TRIM34: variants seen among roughly 807,000 people sequenced by gnomAD.
The protein encoded by TRIM34 is tripartite motif containing 34.
In TRIM34, 41 loss-of-function variants were observed where a neutral mutation model predicts 38.1. That is an observed-to-expected ratio of 1.08 (90% CI 0.84 to 1.40). The LOEUF (loss-of-function observed/expected upper bound fraction) is 1.40. Ranked by LOEUF, TRIM34 falls within the 40% of genes most tolerant of loss-of-function variation. The probability of loss-of-function intolerance (pLI) is 0.00; values close to 1 mark genes in which losing one functional copy is unlikely to be tolerated. For synonymous variants in TRIM34, 200 were observed against 202.5 expected (o/e 0.99, Z 0.10); for missense variants, 556 against 571.4 (o/e 0.97, Z 0.27).
At chr11:5,634,488 T>C (rs1468322405) in intron 3 of TRIM34, 143 bp from the exon 4 acceptor site, 3 of 418,790 alleles carry the variant, frequency 7.2e-6, no homozygotes, top group Non-Finnish European at 7.0e-6. Flanking sequence ...ACAGATAATA[T>C]AAATACACAC....
At chr11:5,636,131 CT>C (rs1256652704) in intron 4 of TRIM34, among the ~76,000 whole-genome samples, 2 of 152,164 alleles carry the variant, frequency 1.3e-5, no homozygotes, top group Non-Finnish European at 2.9e-5. Flanking sequence ...CTCGTATCTC[CT>C]TAAACTGATG....
chr11:5,629,695 G>C (rs1221378262), intron 1 of TRIM34, among the ~76,000 whole-genome samples: 2 of 152,106 alleles, frequency 1.3e-5, no homozygotes, highest in East Asian at 1.9e-4. Context: ...TGAGCTCTCC[G>C]TGAGGATTCT....
chr11:5,633,582 A>G (rs1482116358), intron 2 of TRIM34, among the ~76,000 whole-genome samples: 2 of 152,244 alleles, frequency 1.3e-5, no homozygotes, highest in Non-Finnish European at 2.9e-5. Flanking sequence ...GGAAAGACAG[A>G]ATCAGGCTAC....
rs553038289 is a variant in TRIM34 at position 5,627,630 on chromosome 11, A to T, written c.-78+2570A>T. On this transcript the variant is annotated intron_variant, in intron 1 of 7. Coordinates refer to ENST00000429814, the MANE Select transcript of TRIM34 (RefSeq NM_021616.6). ...GACCAGAACACTACAGCTCTTGGGG[A>T]GAGAGTCATTAATGTGGTATAGATT... Among the ~76,000 whole-genome samples the T allele has an allele frequency of 6.6e-5, 10 of 152,284 alleles. No homozygotes were observed. In the South Asian group the frequency reaches 1.2e-3, roughly 19 times the overall value.
intron 5 of TRIM34, 112 bp downstream of exon 5, chr11:5,641,301 T>G: frequency 6.4e-7 from 1 of 1,574,392 alleles, no homozygotes; most frequent in Non-Finnish European, 8.6e-7. Context: ...TAGTAAAATT[T>G]GGATGTATCG....
chr11:5,641,379 T>A, intron 5 of TRIM34, 190 bp downstream of exon 5: 1 of 1,372,966 alleles, frequency 7.3e-7, no homozygotes, highest in Non-Finnish European at 9.5e-7. Flanking sequence ...CTCGATCCTA[T>A]GTTAGTAAAT....
chr11:5,622,396 G>C (rs1306443375), upstream of TRIM34, among the ~76,000 whole-genome samples: 1 of 148,716 alleles, frequency 6.7e-6, no homozygotes, highest in African/African-American at 2.5e-5. Context: ...AGTGAGCCGA[G>C]ATCACGCCAC....
chr11:5,627,213 C>T (rs1426850418), intron 1 of TRIM34, among the ~76,000 whole-genome samples: 2 of 151,808 alleles, frequency 1.3e-5, no homozygotes, highest in African/African-American at 4.8e-5. Flanking sequence ...GAAACTCTCT[C>T]TACTAAAAAT....
upstream of TRIM34, among the ~76,000 whole-genome samples, chr11:5,622,648 C>T (rs1018113893): frequency 6.0e-5 from 9 of 151,170 alleles, no homozygotes; most frequent in East Asian, 1.6e-3. Flanking sequence ...TAAAAAAAAC[C>T]GGAAAAAACT....
At position 5,630,662 on chromosome 11, in the gene TRIM34, A is replaced by T. The variant is rs113135797; in HGVS notation, c.-77-1593A>T. On this transcript the variant is annotated intron_variant, in intron 1 of 7. Coordinates refer to ENST00000429814, the MANE Select transcript of TRIM34 (RefSeq NM_021616.6). The stretch of plus-strand genomic sequence containing the variant: ...CCTTTCTCATTATTCAGCTTTCATT[A>T]AACTCTTACTTATCCAAGCAAGATA... 6.2e-3 allele frequency among the ~76,000 whole-genome samples: 948 copies of T among 152,298 alleles called. 13 individuals are homozygous for T. Among genetic ancestry groups the T allele is most frequent in the African/African-American group, 0.022 (914 of 41,544 alleles).
chr11:5,624,429 C>T (rs6578667), upstream of TRIM34, among the ~76,000 whole-genome samples: 7,579 of 152,176 alleles, frequency 0.05, 551 homozygotes, highest in African/African-American at 0.17. Flanking sequence ...CCTCCATCTC[C>T]TAGCGGGTGA....
intron 1 of TRIM34, among the ~76,000 whole-genome samples, chr11:5,628,439 C>T (rs565252613): frequency 1.3e-5 from 2 of 152,202 alleles, no homozygotes; most frequent in Non-Finnish European, 2.9e-5. Context: ...CCAGGGGCTA[C>T]CAGTATATCT....
chr11:5,630,906 T>C (rs1462582776), intron 1 of TRIM34, among the ~76,000 whole-genome samples: 1 of 152,244 alleles, frequency 6.6e-6, no homozygotes, highest in Non-Finnish European at 1.5e-5. Context: ...TCACGGAAGA[T>C]AATATGTCTT....
chr11:5,632,550 T>G lies in TRIM34; in HGVS notation c.219T>G (p.His73Gln), dbSNP rs1849526116. The change falls in exon 2 of 8, where the codon CAT becomes CAG. Residue 73 changes from histidine (H) to glutamine (Q), a missense_variant. Physicochemically the swap from His to Gln is conservative, Grantham distance 24 (BLOSUM62 0). Coordinates refer to ENST00000429814, the MANE Select transcript of TRIM34 (RefSeq NM_021616.6). ...TTGAACATCTACAGGCTAATCAGCA[T>G]CTGGCCAACATAGTGGAGAGACTCA... is the stretch of plus-strand genomic sequence containing the variant. The part of the protein sequence containing the change: ...YSFEHLQANQ[H>Q]LANIVERLKE... The G allele has an allele frequency of 6.2e-7, 1 of 1,613,946 alleles. No homozygotes were observed. Among genetic ancestry groups the G allele is most frequent in the Non-Finnish European group, 8.5e-7 (1 of 1,180,002 alleles).
chr11:5,633,806 G>C lies in TRIM34; in HGVS notation c.426G>C (p.Glu142Asp), dbSNP rs61758097. ...GTAGTGTGATTCCCTTCTCATAGGA[G>C]AAACTCCAGGCAGTCCTCAAGAGGC... Reference protein sequence around the residue: ...LTEEVFKECQEKLQAVLKRLK... With the variant: ...LTEEVFKECQDKLQAVLKRLK... The change falls in exon 3 of 8, where the codon GAG (glutamate) becomes GAC (aspartate). Residue 142 changes from glutamate to aspartate, a missense_variant and splice_region_variant. Coordinates refer to ENST00000429814, the MANE Select transcript of TRIM34 (RefSeq NM_021616.6). The C allele has an allele frequency of 3.3e-3, 5,301 of 1,613,470 alleles. 132 individuals are homozygous for C. In the South Asian group the frequency reaches 0.038, roughly 12 times the overall value.
At chr11:5,623,287 A>G (rs1849060010), upstream of TRIM34, among the ~76,000 whole-genome samples, 1 of 152,026 alleles carries the variant, frequency 6.6e-6, no homozygotes, top group Non-Finnish European at 1.5e-5. Flanking sequence ...GAAATAAGGA[A>G]AAGAAATCTG....
At chr11:5,640,900 C>G (rs886872078) in intron 4 of TRIM34, among the ~76,000 whole-genome samples, 3 of 150,610 alleles carry the variant, frequency 2.0e-5, no homozygotes, top group Admixed American at 6.7e-5. Flanking sequence ...AGGAATTTGT[C>G]TGTTTCATTA....
chr11:5,631,464 A>C (rs1849478945), intron 1 of TRIM34, among the ~76,000 whole-genome samples: 1 of 152,174 alleles, frequency 6.6e-6, no homozygotes, highest in Non-Finnish European at 1.5e-5. Flanking sequence ...GAAAGGGAGT[A>C]CTCTTATTTC....
chr11:5,620,681 C>A (rs34225151), upstream of TRIM34, among the ~76,000 whole-genome samples: 43,628 of 151,928 alleles, frequency 0.29, 6,299 homozygotes, highest in East Asian at 0.3. Flanking sequence ...GCACATTATG[C>A]CTTACGGTGG....
Sources: gnomAD v4.1 joint callset for allele counts (sites outside exome capture counted in the v4.1 genomes callset) on GRCh38, gnomAD v4.1.1 for gene constraint, MANE v1.5 for transcripts, NCBI Gene and HGNC (gene_info 2026-07-23, HGNC 2026-07-21) for gene names.